Variants in ADAM19 observed in about 807,000 individuals in gnomAD.
ADAM19 encodes ADAM metallopeptidase domain 19, also known as disintegrin and metalloproteinase domain-containing protein 19.
ADAM19 carries 65 observed loss-of-function variants against 114.7 expected under a neutral mutation model. That is an observed-to-expected ratio of 0.57 (90% CI 0.46 to 0.70). The LOEUF (loss-of-function observed/expected upper bound fraction) is 0.70. Ranked by LOEUF, ADAM19 falls within the 30% of genes least tolerant of loss-of-function variation. The pLI, the probability that ADAM19 is intolerant of heterozygous loss-of-function variation, is 0.00. For missense variants in ADAM19, 1,063 were observed against 1,204.7 expected (o/e 0.88, Z 1.74); for synonymous variants, 466 against 460.5 (o/e 1.01, Z -0.15).
rs138489915 is a variant in ADAM19 at position 157,540,143 on chromosome 5, G to A, written c.252-2152C>T. Among the ~76,000 whole-genome samples, 1,032 of 152,364 alleles carry A rather than the reference G, an allele frequency of 6.8e-3. 13 individuals carry two copies. Among genetic ancestry groups the A allele is most frequent in the African/African-American group, 0.024 (990 of 41,584 alleles). On this transcript the variant is annotated intron_variant, in intron 3 of 22. Coordinates refer to ENST00000257527, the MANE Select transcript of ADAM19 (RefSeq NM_033274.5). ...GACTTAATGCCATGCCTGGCACAAAGTGGAGCTGGGTAAAAGTTAGTGATA... is the reference window on the plus strand; with the variant it reads ...GACTTAATGCCATGCCTGGCACAAAATGGAGCTGGGTAAAAGTTAGTGATA...
At chr5:157,543,638 A>C (rs1035503112) in intron 3 of ADAM19, among the ~76,000 whole-genome samples, 1 of 152,146 alleles carries the variant, frequency 6.6e-6, no homozygotes, top group Non-Finnish European at 1.5e-5. Context: ...CAAAATCTTG[A>C]TCATTGTTAA....
Position 157,502,977 on chromosome 5 carries a change from G to A in ADAM19, c.1134C>T (p.His378=). The A allele has an allele frequency of 6.2e-7, 1 of 1,613,510 alleles. No individual in the cohort carries two copies. Among genetic ancestry groups the A allele is most frequent in the African/African-American group, 1.3e-5 (1 of 75,024 alleles). The part of the protein sequence containing the change: ...GGCIMAAATG[H]PFPKVFNGCN... ...ATCCATTGAACACTTTGGGAAAGGG[G>A]TGCCTGGCAGAGGACAAGGCTGGAA... Residue 378 remains histidine, a synonymous_variant, in exon 12 of 23, where the codon CAC becomes CAT. Coordinates refer to ENST00000257527, the MANE Select transcript of ADAM19 (RefSeq NM_033274.5).
intron 2 of ADAM19, among the ~76,000 whole-genome samples, chr5:157,569,307 C>T (rs926372527): frequency 2.8e-5 from 4 of 142,586 alleles, no homozygotes; most frequent in Admixed American, 1.5e-4. Context: ...GATGCTGATG[C>T]GACTATATCT....
intron 3 of ADAM19, among the ~76,000 whole-genome samples, chr5:157,543,955 C>T (rs1756983957): frequency 6.6e-6 from 1 of 152,166 alleles, no homozygotes; most frequent in South Asian, 2.1e-4. Flanking sequence ...AAGAGACAGC[C>T]AGAGCTGCTT....
rs1443620580 is a variant in ADAM19 at position 157,496,888 on chromosome 5, C to G, written c.1594+6G>C. ...GGGAGAGCCGTGCTCCCCAGGAGAG[C>G]CTTACCGGGTCCCCACAGCTGCTGG... On this transcript the variant is annotated splice_donor_region_variant and intron_variant, in intron 14 of 22. Coordinates refer to ENST00000257527, the MANE Select transcript of ADAM19 (RefSeq NM_033274.5). 6.4e-7 allele frequency: 1 copy of G among 1,565,100 alleles called. No homozygotes were observed. Among genetic ancestry groups the G allele is most frequent in the Non-Finnish European group, 8.6e-7 (1 of 1,157,940 alleles).
intron 4 of ADAM19, among the ~76,000 whole-genome samples, chr5:157,535,778 G>A (rs1581336683): frequency 1.3e-5 from 2 of 152,256 alleles, no homozygotes; most frequent in Non-Finnish European, 2.9e-5. Flanking sequence ...CCCCAAGGGG[G>A]CTTTCATAGC....
intron 5 of ADAM19, among the ~76,000 whole-genome samples, chr5:157,525,849 C>T (rs1326335478): frequency 1.3e-5 from 2 of 152,190 alleles, no homozygotes; most frequent in African/African-American, 4.8e-5. Flanking sequence ...CCCTCTCTCA[C>T]AGAATCTGAG....
chr5:157,502,802 C>A lies in ADAM19; in HGVS notation c.1308+1G>T. ...CCACTAGCACCATTGTGACCCCTCA[C>A]CTCTTCTTCTCCACAGTCACACTCT... On this transcript the variant is annotated splice_donor_variant, in intron 12 of 22. Coordinates refer to ENST00000257527, the MANE Select transcript of ADAM19 (RefSeq NM_033274.5). LOFTEE classifies it high-confidence loss of function. The A allele has an allele frequency of 6.2e-7, 1 of 1,613,762 alleles. No individual in the cohort carries two copies. The highest frequency in any genetic ancestry group is 8.5e-7 in the Non-Finnish European group (1 of 1,179,704).
intron 12 of ADAM19, among the ~76,000 whole-genome samples, chr5:157,500,493 G>A (rs1489399678): frequency 2.6e-5 from 4 of 152,074 alleles, no homozygotes; most frequent in Non-Finnish European, 5.9e-5. Context: ...GAAATTTTAT[G>A]TTTTGTTTTT....
At chr5:157,532,371 A>G (rs1222465100) in intron 4 of ADAM19, among the ~76,000 whole-genome samples, 1 of 152,276 alleles carries the variant, frequency 6.6e-6, no homozygotes, top group Non-Finnish European at 1.5e-5. Flanking sequence ...AACCATTTCA[A>G]GTGCTGGCCG....
In ADAM19 at chr5:157,488,580, A is replaced by G. The variant is rs375075157; in HGVS notation, c.2326-91T>C. The G allele has an allele frequency of 6.0e-5, 62 of 1,033,658 alleles. No homozygotes were observed. The East Asian group carries it at 9.7e-4, about 16-fold the overall frequency. 64.0% of individuals were successfully genotyped at this position (1,033,658 alleles called of 1,614,324 possible). ...TTGAGATAAACCAGAGCCCAAAGGG[A>G]GAACAGACACACCAATCTATTAAAC... On this transcript the variant is annotated intron_variant, in intron 20 of 22. Transcript: ENST00000257527.
chr5:157,504,411 C>T (rs1755673027), intron 11 of ADAM19, among the ~76,000 whole-genome samples: 1 of 152,088 alleles, frequency 6.6e-6, no homozygotes, highest in South Asian at 2.1e-4. Flanking sequence ...CCACCACGCC[C>T]AGCTAATTTT....
At chr5:157,561,923 G>A (rs1327392004) in intron 3 of ADAM19, among the ~76,000 whole-genome samples, 37 of 147,040 alleles carry the variant, frequency 2.5e-4, no homozygotes, top group African/African-American at 8.1e-4. Flanking sequence ...GAGGCACGTA[G>A]ATTAAAAAAA....
At chr5:157,499,778 T>G in intron 12 of ADAM19, 116 bp from the exon 13 acceptor site, 1 of 543,062 alleles carries the variant, frequency 1.8e-6, no homozygotes. Context: ...TATCTCTTTT[T>G]TTTTTTTTTT....
chr5:157,504,163 T>G (rs1207402022), intron 11 of ADAM19, among the ~76,000 whole-genome samples: 1 of 152,196 alleles, frequency 6.6e-6, no homozygotes, highest in African/African-American at 2.4e-5. Flanking sequence ...CTTTTTAGAT[T>G]GAGAGAGAAA....
intron 21 of ADAM19, among the ~76,000 whole-genome samples, chr5:157,484,436 C>T (rs1222245849): frequency 1.3e-5 from 2 of 152,084 alleles, no homozygotes; most frequent in Admixed American, 1.3e-4. Flanking sequence ...ATGACTGTCC[C>T]ACCCGCAGGC....
At chr5:157,542,992 C>G (rs572480283) in intron 3 of ADAM19, among the ~76,000 whole-genome samples, 5 of 152,238 alleles carry the variant, frequency 3.3e-5, no homozygotes, top group African/African-American at 1.2e-4. Context: ...TAATAAGATA[C>G]AACAGAAATG....
Position 157,575,226 on chromosome 5 carries a change from C to T in ADAM19, c.94+377G>A, listed in dbSNP as rs1429499201. 3.3e-5 allele frequency among the ~76,000 whole-genome samples: 5 copies of T among 152,110 alleles called. No individual in the cohort carries two copies. In the East Asian group the frequency reaches 9.7e-4, roughly 29 times the overall value. On this transcript the variant is annotated intron_variant, in intron 1 of 22. Coordinates refer to ENST00000257527, the MANE Select transcript of ADAM19 (RefSeq NM_033274.5). ...GCTCGGCGTTGGCGAGTGCAGCGGG[C>T]GGTAGAGAGAAAGACAGAGAGAGAG... is the stretch of plus-strand genomic sequence containing the variant.
intron 7 of ADAM19, among the ~76,000 whole-genome samples, chr5:157,516,560 T>C (rs959796698): frequency 6.6e-6 from 1 of 152,094 alleles, no homozygotes; most frequent in Non-Finnish European, 1.5e-5. Context: ...CTGAGAACAA[T>C]GCAAGGCCAA....
Sources: allele counts gnomAD v4.1 joint callset (sites outside exome capture counted in the v4.1 genomes callset), GRCh38; gene constraint gnomAD v4.1.1; transcripts MANE v1.5; gene names NCBI Gene and HGNC (gene_info 2026-07-23, HGNC 2026-07-21).